The following ARID1B variants were observed in gnomAD, a reference collection of about 807,000 sequenced individuals.
ARID1B encodes AT-rich interactive domain-containing protein 1B.
A neutral mutation model predicts 212.3 loss-of-function variants in ARID1B; 30 were observed. The ratio of observed to expected loss-of-function variants is 0.14; its 90% CI spans 0.11 to 0.19. The LOEUF (loss-of-function observed/expected upper bound fraction) is 0.19, where lower values mean the gene tolerates loss of function less well. Ranked by LOEUF, ARID1B falls within the 10% of genes least tolerant of loss-of-function variation. The pLI is 1.00. For missense variants in ARID1B, 2,891 were observed against 3,204.0 expected, an observed-to-expected ratio of 0.90 and a Z score of 2.36; for synonymous variants, 1,402 against 1,301.7, an observed-to-expected ratio of 1.08 and a Z score of -1.66.
At chr6:157,057,392 A>G (rs944434967) in intron 4 of ARID1B, among the ~76,000 whole-genome samples, 18 of 152,092 alleles carry the variant, frequency 1.2e-4, no homozygotes, top group Non-Finnish European at 2.2e-4. Flanking sequence ...TTTTAAAAAA[A>G]TCAATCTTTT....
At chr6:156,784,850 C>T (rs375091758) in intron 1 of ARID1B, among the ~76,000 whole-genome samples, 138 of 152,326 alleles carry the variant, frequency 9.1e-4, no homozygotes, top group African/African-American at 3.2e-3. Context: ...GCCTTGACCT[C>T]CCAGATTCAA....
In ARID1B at chr6:157,098,850, C is replaced by T. The variant is rs534749624; in HGVS notation, c.2492-11622C>T. On this transcript the variant is annotated intron_variant, in intron 5 of 19. Coordinates refer to ENST00000636930, the MANE Select transcript of ARID1B (RefSeq NM_001374828.1). ...CTGAGAGTTGTGCCTCAGTCAAACC[C>T]AAAGCACATTATATTCCCACACCTT... is the stretch of plus-strand genomic sequence containing the variant. Among the ~76,000 whole-genome samples the T allele has an allele frequency of 4.6e-5, 7 of 152,316 alleles. No individual in the cohort carries two copies. The South Asian group carries it at 1.4e-3, about 32-fold the overall frequency.
In ARID1B at chr6:156,798,837, G is replaced by C. The variant is rs534144068; in HGVS notation, c.1791+19366G>C. 5.9e-5 allele frequency among the ~76,000 whole-genome samples: 9 copies of C among 151,444 alleles called. No homozygotes were observed. The East Asian group carries it at 1.7e-3, about 29-fold the overall frequency. Reference sequence around the variant, plus strand: ...TTGGGTTAAAGCATGGTCAGCATGAGTAAATGTTGTTAATTGTACATTTTC... The same window carrying C: ...TTGGGTTAAAGCATGGTCAGCATGACTAAATGTTGTTAATTGTACATTTTC... On this transcript the variant is annotated intron_variant, in intron 1 of 19. Coordinates refer to ENST00000636930, the MANE Select transcript of ARID1B (RefSeq NM_001374828.1).
intron 4 of ARID1B, among the ~76,000 whole-genome samples, chr6:156,966,426 C>T (rs566634446): frequency 7.5e-6 from 1 of 133,110 alleles, no homozygotes; most frequent in South Asian, 2.3e-4. Context: ...AGAGGTTTAC[C>T]CTTGTTGCCC....
At chr6:157,123,475 C>T (rs1562637410) in intron 6 of ARID1B, among the ~76,000 whole-genome samples, 1 of 152,204 alleles carries the variant, frequency 6.6e-6, no homozygotes, top group Non-Finnish European at 1.5e-5. Context: ...GGCAGGATCC[C>T]CCTCAGCTCT....
At chr6:157,099,013 G>T (rs1486546291) in intron 5 of ARID1B, among the ~76,000 whole-genome samples, 2 of 152,088 alleles carry the variant, frequency 1.3e-5, no homozygotes, top group Non-Finnish European at 2.9e-5. Flanking sequence ...ACCCAGGCTG[G>T]GGCGCAGTGG....
At chr6:157,116,012 CA>C (rs1787302655) in intron 6 of ARID1B, among the ~76,000 whole-genome samples, 1 of 152,108 alleles carries the variant, frequency 6.6e-6, no homozygotes, top group African/African-American at 2.4e-5. Context: ...ATGAATCTTA[CA>C]AAAATTGTAG....
At chr6:157,079,498 G>A (rs1324411101) in intron 4 of ARID1B, among the ~76,000 whole-genome samples, 3 of 152,160 alleles carry the variant, frequency 2.0e-5, no homozygotes, top group East Asian at 3.8e-4. Context: ...AATGATAGTT[G>A]TGAAATAAGG....
intron 2 of ARID1B, among the ~76,000 whole-genome samples, chr6:156,833,873 G>C (rs943200897): frequency 1.3e-5 from 2 of 151,964 alleles, no homozygotes; most frequent in Admixed American, 6.6e-5. Context: ...ATTTTATTTG[G>C]TACCCTCTTA....
At chr6:157,135,526 G>A (rs916796338) in intron 7 of ARID1B, among the ~76,000 whole-genome samples, 1 of 152,140 alleles carries the variant, frequency 6.6e-6, no homozygotes, top group African/African-American at 2.4e-5. Context: ...CCTCTCCTGA[G>A]TGACACTGCC....
At chr6:157,186,661 C>G in intron 13 of ARID1B, 1 of 383,812 alleles carries the variant, frequency 2.6e-6, no homozygotes, top group Non-Finnish European at 5.4e-6. Context: ...GATTTTTAAA[C>G]ACAAATTTAC....
rs2128326211 is a variant in ARID1B at position 157,184,449 on chromosome 6, C to T, written c.3919+14C>T. The T allele has an allele frequency of 6.2e-7, 1 of 1,613,684 alleles. No homozygotes were observed. Among genetic ancestry groups the T allele is most frequent in the Non-Finnish European group, 8.5e-7 (1 of 1,179,924 alleles). ...CGCCATCTCCTGGTAAGTGGCGGCG[C>T]TGCAGTCACTGGCCCAGGAAAGCCC... On this transcript the variant is annotated intron_variant, in intron 13 of 19. Transcript: ENST00000636930.
chr6:156,945,958 G>GTACTGTAC (rs1793091775), intron 4 of ARID1B, among the ~76,000 whole-genome samples: 2 of 152,150 alleles, frequency 1.3e-5, no homozygotes. Context: ...GCAGTGAGCA[G>GTACTGTAC]TGATCACGTC....
intron 12 of ARID1B, among the ~76,000 whole-genome samples, chr6:157,182,481 C>CT (rs1443971429): frequency 6.6e-6 from 1 of 152,202 alleles, no homozygotes; most frequent in Non-Finnish European, 1.5e-5. Flanking sequence ...CCAAGGTAAT[C>CT]TAACAGGCAG....
intron 4 of ARID1B, among the ~76,000 whole-genome samples, chr6:157,046,661 A>G (rs1019878446): frequency 2.0e-5 from 3 of 152,210 alleles, no homozygotes; most frequent in Non-Finnish European, 2.9e-5. Flanking sequence ...TGTCTTGGGA[A>G]AAATAGAATT....
At chr6:157,015,683 G>T (rs1779881843) in intron 4 of ARID1B, among the ~76,000 whole-genome samples, 2 of 152,180 alleles carry the variant, frequency 1.3e-5, no homozygotes, top group South Asian at 4.1e-4. Context: ...GGGAGCAGTT[G>T]GTTCTCCTGA....
chr6:157,087,378 T>C (rs1785023674), intron 5 of ARID1B, among the ~76,000 whole-genome samples: 1 of 152,244 alleles, frequency 6.6e-6, no homozygotes, highest in Admixed American at 6.5e-5. Context: ...ACTTTCATAA[T>C]TATCTGATAC....
At chr6:156,897,220 T>TTCC (rs1788509171) in intron 2 of ARID1B, among the ~76,000 whole-genome samples, 6 of 74,474 alleles carry the variant, frequency 8.1e-5, no homozygotes, top group African/African-American at 2.3e-4. Context: ...CTGCTGCTGC[T>TTCC]TCTTCTTCTT....
intron 4 of ARID1B, among the ~76,000 whole-genome samples, chr6:156,963,753 G>A (rs565030829): frequency 2.8e-4 from 43 of 152,244 alleles, no homozygotes; most frequent in African/African-American, 7.9e-4. Context: ...TCTCCTCTCA[G>A]TATATTTATT....
Sources: gnomAD v4.1 joint callset for allele counts (sites outside exome capture counted in the v4.1 genomes callset) on GRCh38, gnomAD v4.1.1 for gene constraint, MANE v1.5 for transcripts, NCBI Gene and HGNC (gene_info 2026-07-23, HGNC 2026-07-21) for gene names.